The following DSCAM variants were observed in gnomAD, a reference collection of about 807,000 sequenced individuals.
The protein encoded by DSCAM is DS cell adhesion molecule, also known as cell adhesion molecule DSCAM.
A neutral mutation model predicts 217.7 loss-of-function variants in DSCAM; 47 were observed. The ratio of observed to expected loss-of-function variants is 0.22; its 90% CI spans 0.17 to 0.28. The LOEUF (loss-of-function observed/expected upper bound fraction) is 0.28, where lower values mean the gene tolerates loss of function less well. Ranked by LOEUF, DSCAM falls within the 10% of genes least tolerant of loss-of-function variation. The pLI, the probability that DSCAM is intolerant of heterozygous loss-of-function variation, is 1.00. For missense variants in DSCAM, 2,080 were observed against 2,618.3 expected, an observed-to-expected ratio of 0.79 and a Z score of 4.49; for synonymous variants, 1,056 against 1,015.3, an observed-to-expected ratio of 1.04 and a Z score of -0.76.
intron 3 of DSCAM, among the ~76,000 whole-genome samples, chr21:40,457,340 C>T (rs2075772071): frequency 6.6e-6 from 1 of 151,842 alleles, no homozygotes; most frequent in Non-Finnish European, 1.5e-5. Context: ...GGTGAAACTC[C>T]ATCTCTACCA....
intron 3 of DSCAM, among the ~76,000 whole-genome samples, chr21:40,557,291 G>A (rs551192191): frequency 5.9e-5 from 9 of 152,090 alleles, no homozygotes; most frequent in African/African-American, 1.2e-4. Context: ...CCCTTCTCTC[G>A]GGAATTAATT....
At chr21:40,054,566 A>T (rs1372446135) in intron 29 of DSCAM, among the ~76,000 whole-genome samples, 1 of 152,238 alleles carries the variant, frequency 6.6e-6, no homozygotes, top group Non-Finnish European at 1.5e-5. Flanking sequence ...TCCAGACCAC[A>T]AGAAAGGGTT....
At chr21:40,256,674 G>A (rs1201904196) in intron 11 of DSCAM, among the ~76,000 whole-genome samples, 2 of 152,178 alleles carry the variant, frequency 1.3e-5, no homozygotes, top group Non-Finnish European at 2.9e-5. Flanking sequence ...CCCGCATTAT[G>A]AAGGATAATC....
At chr21:40,094,763 A>C (rs1398371964) in intron 20 of DSCAM, among the ~76,000 whole-genome samples, 1 of 152,222 alleles carries the variant, frequency 6.6e-6, no homozygotes, top group East Asian at 1.9e-4. Context: ...TCTTAAAGGC[A>C]AGACTTAGAG....
chr21:40,632,113 C>T (rs1313582178), intron 3 of DSCAM, among the ~76,000 whole-genome samples: 3 of 152,160 alleles, frequency 2.0e-5, no homozygotes, highest in Non-Finnish European at 4.4e-5. Flanking sequence ...ATGGGGCCTC[C>T]AAAGAGCTAT....
At chr21:40,183,861 G>A (rs914284188) in intron 14 of DSCAM, among the ~76,000 whole-genome samples, 1 of 152,274 alleles carries the variant, frequency 6.6e-6, no homozygotes, top group East Asian at 1.9e-4. Flanking sequence ...AAAACTTTTG[G>A]GGGGATAATT....
chr21:40,807,141 CAATA>C (rs1192773714), intron 1 of DSCAM, among the ~76,000 whole-genome samples: 1 of 136,110 alleles, frequency 7.3e-6, no homozygotes, highest in Non-Finnish European at 1.6e-5. Context: ...ATCAATCAAT[CAATA>C]AGTGTTTCAT....
intron 18 of DSCAM, among the ~76,000 whole-genome samples, chr21:40,138,878 GGGTGTGTGT>G (rs1378005389): frequency 1.4e-5 from 2 of 145,970 alleles, no homozygotes; most frequent in Non-Finnish European, 3.0e-5. Context: ...TGTATATGTG[GGGTGTGTGT>G]GGTGTGTAAG....
chr21:40,719,624 T>G (rs1407104983), intron 1 of DSCAM, among the ~76,000 whole-genome samples: 1 of 152,198 alleles, frequency 6.6e-6, no homozygotes, highest in Non-Finnish European at 1.5e-5. Flanking sequence ...CTGATAACAA[T>G]GAACAATCTG....
intron 3 of DSCAM, among the ~76,000 whole-genome samples, chr21:40,406,952 A>T (rs2075284508): frequency 6.6e-6 from 1 of 152,098 alleles, no homozygotes. Flanking sequence ...GAACTCATAA[A>T]AGCAGAGAGT....
At chr21:40,539,522 A>T (rs1276720195) in intron 3 of DSCAM, among the ~76,000 whole-genome samples, 1 of 151,774 alleles carries the variant, frequency 6.6e-6, no homozygotes, top group African/African-American at 2.4e-5. Context: ...AAAAAAAAAG[A>T]AAAATTGGGA....
intron 30 of DSCAM, among the ~76,000 whole-genome samples, chr21:40,046,280 C>T (rs905947526): frequency 4.6e-5 from 7 of 152,100 alleles, no homozygotes; most frequent in African/African-American, 7.2e-5. Context: ...TGGAGAGGTG[C>T]GTTAAGATGG....
chr21:40,713,593 C>T (rs111813904), intron 1 of DSCAM, among the ~76,000 whole-genome samples: 1 of 151,998 alleles, frequency 6.6e-6, no homozygotes, highest in South Asian at 2.1e-4. Flanking sequence ...TGAGGAAGGG[C>T]AAGTGTAATG....
chr21:40,042,100 G>A (rs375918862), intron 32 of DSCAM, among the ~76,000 whole-genome samples: 1 of 152,314 alleles, frequency 6.6e-6, no homozygotes, highest in Admixed American at 6.5e-5. Flanking sequence ...CCAGGTCGGT[G>A]AGCCACTTTG....
chr21:40,581,511 A>G (rs903587194), intron 3 of DSCAM, among the ~76,000 whole-genome samples: 3 of 152,302 alleles, frequency 2.0e-5, no homozygotes, highest in Admixed American at 6.5e-5. Flanking sequence ...GTCTTATTCC[A>G]AAGTTCATAA....
chr21:40,751,705 G>A (rs149985384), intron 1 of DSCAM, among the ~76,000 whole-genome samples: 221 of 152,126 alleles, frequency 1.5e-3, no homozygotes, highest in Admixed American at 4.3e-3. Flanking sequence ...GGTGGGGTGG[G>A]GACGTGATTG....
At position 40,078,847 on chromosome 21, in the gene DSCAM, C is replaced by G; in HGVS notation, c.4551G>C (p.Gly1517=). ...TCTGAGCTGTGGTCCAAACTGTGGT[C>G]CCAAAGGGCCTGTACTCTAGTGTGA... The part of the protein sequence containing the change: ...TSFTLEYRPF[G]TTVWTTAQRT... Residue 1517 remains glycine (G), a synonymous_variant, in exon 26 of 33, where the codon GGG becomes GGC. Transcript: ENST00000400454. 1 of 1,614,210 alleles carries G rather than the reference C, an allele frequency of 6.2e-7. No individual in the cohort carries two copies. Among genetic ancestry groups the G allele is most frequent in the Non-Finnish European group, 8.5e-7 (1 of 1,180,044 alleles).
intron 3 of DSCAM, among the ~76,000 whole-genome samples, chr21:40,560,186 G>A (rs1307961775): frequency 6.6e-6 from 1 of 152,150 alleles, no homozygotes; most frequent in African/African-American, 2.4e-5. Flanking sequence ...GAGCAGAGAG[G>A]CAGCATTTGC....
rs758386936 is a variant in DSCAM, at chr21:40,349,136, C to CAAAAAAAAAAAAA, written c.935-1204_935-1192dup. 2.5e-3 allele frequency among the ~76,000 whole-genome samples: 97 copies of CAAAAAAAAAAAAA among 38,658 alleles called. 4 individuals are homozygous for CAAAAAAAAAAAAA. The highest frequency in any genetic ancestry group is 5.6e-3 in the African/African-American group (58 of 10,280). The allele number at this position is 38,658 out of a possible 152,430, so 25.4% of individuals were successfully genotyped here. ...TGGGGGACAGAGTGAGACTCCATCT[C>CAAAAAAAAAAAAA]AAAAAAAAAAAAAAAAAAAGAAATG... is the stretch of plus-strand genomic sequence containing the variant. On this transcript the variant is annotated intron_variant, in intron 5 of 32. Transcript: ENST00000400454.
Sources: gnomAD v4.1 joint callset for allele counts (sites outside exome capture counted in the v4.1 genomes callset) on GRCh38, gnomAD v4.1.1 for gene constraint, MANE v1.5 for transcripts, NCBI Gene and HGNC (gene_info 2026-07-23, HGNC 2026-07-21) for gene names.